Variants in APOOL observed in about 807,000 individuals in gnomAD.
The protein encoded by APOOL is apolipoprotein O like, also known as MICOS complex subunit MIC27.
A neutral mutation model predicts 23.1 loss-of-function variants in APOOL; 12 were observed. The observed-to-expected ratio is 0.52, with a 90% CI of 0.33 to 0.84. APOOL has a LOEUF of 0.84. Among genes scored for constraint, APOOL ranks in the 40% least tolerant of loss-of-function variants. The pLI, the probability that APOOL is intolerant of heterozygous loss-of-function variation, is 0.02. For synonymous variants in APOOL, 77 were observed against 69.9 expected, an observed-to-expected ratio of 1.10 and a Z score of -0.51; for missense variants, 212 against 199.6, an observed-to-expected ratio of 1.06 and a Z score of -0.37.
At chrX:85,049,672 A>T (rs1922695353) in intron 2 of APOOL, among the ~76,000 whole-genome samples, 1 of 110,649 alleles carries the variant, frequency 9.0e-6, no homozygotes, top group Admixed American at 9.7e-5. Context: ...CTGTAGTCCC[A>T]GCTACTCGGG....
Position 85,074,341 on chromosome X carries a change from T to C in APOOL, c.668T>C (p.Leu223Ser). The part of the protein sequence containing the change: ...TTHVLKHSVP[L>S]PTELSSEAKT... The stretch of plus-strand genomic sequence containing the variant: ...CACGTCTTGAAACACTCAGTGCCCT[T>C]GCCAACAGAACTCAGCTCTGAAGCA... Residue 223 changes from leucine to serine, a missense_variant, in exon 8 of 9, where the codon TTG (leucine) becomes TCG (serine). Physicochemically the swap from Leu to Ser is moderately radical, Grantham distance 145 (BLOSUM62 -2). Coordinates refer to ENST00000373173, the MANE Select transcript of APOOL (RefSeq NM_198450.6). 1 of 1,211,250 alleles carries C rather than the reference T, an allele frequency of 8.3e-7. No homozygotes were observed. The highest frequency in any genetic ancestry group is 1.1e-6 in the Non-Finnish European group (1 of 894,938).
chrX:85,055,894 A>G lies in APOOL; in HGVS notation c.363A>G (p.Ser121=), dbSNP rs200160535. 8.3e-7 allele frequency: 1 copy of G among 1,203,107 alleles called. No homozygotes were observed. Among genetic ancestry groups the G allele is most frequent in the Non-Finnish European group, 1.1e-6 (1 of 891,544 alleles). ...FLPKMGVITV[S]GLAGLVSARK... ...CGAAAATGGGAGTTATTACAGTTTC[A>G]GGATTGGCGGGCTTGGTTTCAGCGA... The change falls in exon 5 of 9, where the codon TCA becomes TCG. Residue 121 remains serine, a synonymous_variant. Coordinates refer to ENST00000373173, the MANE Select transcript of APOOL (RefSeq NM_198450.6).
chrX:85,030,228 CATT>C (rs1921990589), intron 1 of APOOL, among the ~76,000 whole-genome samples: 1 of 111,444 alleles, frequency 9.0e-6, no homozygotes, highest in Non-Finnish European at 1.9e-5. Flanking sequence ...AGCTGGCAGT[CATT>C]ATTCTAAGTG....
intron 3 of APOOL, among the ~76,000 whole-genome samples, chrX:85,053,690 T>A (rs768290744): frequency 9.0e-6 from 1 of 111,540 alleles, no homozygotes; most frequent in Non-Finnish European, 1.9e-5. Context: ...AACACTCTTT[T>A]GCACTAAAAT....
In APOOL at chrX:85,092,397, T is replaced by C; in HGVS notation, c.*4719T>C. ...AGTTGTTACAAAGCCTCTTTCATTCTTCCCATGCCATGTCCAGGAGTTCTT... is the reference window on the plus strand; with the variant it reads ...AGTTGTTACAAAGCCTCTTTCATTCCTCCCATGCCATGTCCAGGAGTTCTT... On this transcript the variant is annotated 3_prime_UTR_variant, in exon 9 of 9. Transcript: ENST00000373173. 8.6e-7 allele frequency: 1 copy of C among 1,166,016 alleles called. No individual in the cohort carries two copies. The highest frequency in any genetic ancestry group is 1.8e-5 in the African/African-American group (1 of 56,138).
At chrX:85,062,530 G>A (rs1490470883) in intron 5 of APOOL, among the ~76,000 whole-genome samples, 2 of 111,757 alleles carry the variant, frequency 1.8e-5, no homozygotes, top group Admixed American at 1.9e-4. Flanking sequence ...AATCCATCAT[G>A]AGTTACTTTT....
rs1202029398 is a variant in APOOL at position 85,092,943 on chromosome X, T to A, written c.*5265T>A. On this transcript the variant is annotated 3_prime_UTR_variant, in exon 9 of 9. Transcript: ENST00000373173. The stretch of plus-strand genomic sequence containing the variant: ...TAATCTCCCTCCTTCTTACTTTCCC[T>A]TGATAGCAAAAAGGGTGTATAGTGT... 8 of 333,084 alleles carry A rather than the reference T, an allele frequency of 2.4e-5. No individual in the cohort carries two copies. Among genetic ancestry groups the A allele is most frequent in the Admixed American group, 2.1e-4 (4 of 18,756 alleles). The allele number at this position is 333,084 out of a possible 1,213,427, so 27.4% of individuals were successfully genotyped here.
Position 85,046,515 on chromosome X carries a change from G to C in APOOL, c.85G>C (p.Glu29Gln), listed in dbSNP as rs761316302. The change falls in exon 2 of 9, where the codon GAG becomes CAG. Residue 29 changes from glutamate (E) to glutamine (Q), a missense_variant. Transcript: ENST00000373173. ...ASVSVHAAKQ[E>Q]ESKKQLVKPE... ...TGTAAGTGTACATGCAGCCAAACAAGAGGAATCCAAAAAGCAGCTAGTGAA... is the reference window on the plus strand; with the variant it reads ...TGTAAGTGTACATGCAGCCAAACAACAGGAATCCAAAAAGCAGCTAGTGAA... 8.3e-7 allele frequency: 1 copy of C among 1,209,379 alleles called. No homozygotes were observed. Among genetic ancestry groups the C allele is most frequent in the South Asian group, 1.8e-5 (1 of 56,516 alleles).
chrX:85,007,313 G>C (rs1393066566), intron 1 of APOOL, among the ~76,000 whole-genome samples: 5 of 111,349 alleles, frequency 4.5e-5, no homozygotes, highest in African/African-American at 1.6e-4. Context: ...CTCCAATGCT[G>C]AGTGTTGTCA....
At chrX:85,076,263 G>A (rs139472891) in intron 8 of APOOL, among the ~76,000 whole-genome samples, 207 of 110,420 alleles carry the variant, frequency 1.9e-3, no homozygotes, top group African/African-American at 4.8e-3. Flanking sequence ...ATCATTTGGC[G>A]TTTATTATAC....
chrX:85,028,802 GT>G (rs1921933934), intron 1 of APOOL, among the ~76,000 whole-genome samples: 3 of 110,998 alleles, frequency 2.7e-5, no homozygotes, highest in Non-Finnish European at 5.7e-5. Context: ...TTGTCTTTCT[GT>G]GCCTGACTTA....
chrX:85,010,742 A>G (rs762930181), intron 1 of APOOL, among the ~76,000 whole-genome samples: 22 of 111,895 alleles, frequency 2.0e-4, no homozygotes, highest in African/African-American at 6.2e-4. Context: ...TGATCCACTC[A>G]TTGGTTGATG....
chrX:85,007,657 T>C (rs1921124075), intron 1 of APOOL, among the ~76,000 whole-genome samples: 1 of 111,198 alleles, frequency 9.0e-6, no homozygotes, highest in Admixed American at 9.6e-5. Context: ...AATCGGGGAA[T>C]TCCTGGGGGT....
chrX:85,058,336 T>G (rs1231174639), intron 5 of APOOL, among the ~76,000 whole-genome samples: 3 of 111,185 alleles, frequency 2.7e-5, no homozygotes, highest in Non-Finnish European at 5.6e-5. Flanking sequence ...TGGTTTTCTG[T>G]TCCTGTGTTG....
chrX:85,043,233 G>A (rs1011093237), intron 1 of APOOL, among the ~76,000 whole-genome samples: 7 of 111,084 alleles, frequency 6.3e-5, no homozygotes, highest in African/African-American at 2.3e-4. Flanking sequence ...TTATTATTTC[G>A]AGTTACAAAT....
chrX:85,059,874 T>G (rs976242320), intron 5 of APOOL, among the ~76,000 whole-genome samples: 60 of 110,422 alleles, frequency 5.4e-4, no homozygotes, highest in African/African-American at 1.8e-3. Flanking sequence ...AGAAGCTCTT[T>G]AGTTTAATTA....
intron 1 of APOOL, among the ~76,000 whole-genome samples, chrX:85,034,553 T>C (rs763255342): frequency 1.8e-5 from 2 of 111,059 alleles, no homozygotes; most frequent in Non-Finnish European, 3.8e-5. Flanking sequence ...ATGTATGGGG[T>C]TTGATCCCAT....
chrX:85,067,310 T>G (rs1923491697), intron 6 of APOOL, 92 bp downstream of exon 6: 1 of 599,594 alleles, frequency 1.7e-6, no homozygotes, highest in South Asian at 4.0e-5. Context: ...CTGCAACATT[T>G]AATTTTAAGA....
At chrX:85,087,341 T>G (rs2033036329) in intron 8 of APOOL, among the ~76,000 whole-genome samples, 1 of 111,062 alleles carries the variant, frequency 9.0e-6, no homozygotes, top group South Asian at 3.9e-4. Flanking sequence ...CAGAAGGCTT[T>G]CCCTGGCTGC....
Sources: gnomAD v4.1 joint callset for allele counts (sites outside exome capture counted in the v4.1 genomes callset) on GRCh38, gnomAD v4.1.1 for gene constraint, MANE v1.5 for transcripts, NCBI Gene and HGNC (gene_info 2026-07-23, HGNC 2026-07-21) for gene names.